Variants in SCARF2 observed in about 807,000 individuals in gnomAD.
The protein encoded by SCARF2 is scavenger receptor expressed by endothelial cells 2 protein.
In SCARF2, 39 loss-of-function variants were observed where a neutral mutation model predicts 73.4. The ratio of observed to expected loss-of-function variants is 0.53; its 90% CI spans 0.41 to 0.69. SCARF2 has a LOEUF of 0.69. Ranked by LOEUF, SCARF2 falls within the 30% of genes least tolerant of loss-of-function variation. The pLI, the probability that SCARF2 is intolerant of heterozygous loss-of-function variation, is 0.00. For missense variants in SCARF2, 1,148 were observed against 1,303.5 expected (o/e 0.88, Z 1.84); for synonymous variants, 605 against 590.0 (o/e 1.03, Z -0.37).
At chr22:20,428,475 C>T (rs973646194) in intron 9 of SCARF2, among the ~76,000 whole-genome samples, 5 of 152,028 alleles carry the variant, frequency 3.3e-5, no homozygotes, top group Non-Finnish European at 7.4e-5. Context: ...CGGCTACTTT[C>T]GTATTTTTAG....
chr22:20,430,633 T>C (rs2052633408), intron 5 of SCARF2, 57 bp downstream of exon 5: 1 of 1,604,676 alleles, frequency 6.2e-7, no homozygotes, highest in East Asian at 2.3e-5. Flanking sequence ...GGGGCCTTTG[T>C]TAGGGAGGCA....
rs371714000 is a variant in SCARF2 at position 20,435,400 on chromosome 22, C to T, written c.173+2182G>A. Among the ~76,000 whole-genome samples, 12 of 152,258 alleles carry T rather than the reference C, an allele frequency of 7.9e-5. No homozygotes were observed. In the South Asian group the frequency reaches 8.3e-4, roughly 11 times the overall value. ...CTTCCACCCCCTGCCCCCCAGGGTG[C>T]GAAGTGTTTGCCACCTGGCAGCCAA... On this transcript the variant is annotated intron_variant, in intron 1 of 10. Coordinates refer to ENST00000622235, the MANE Select transcript of SCARF2 (RefSeq NM_182895.5).
chr22:20,425,411 C>G lies in SCARF2; in HGVS notation c.2565G>C (p.Ala855=). The part of the protein sequence containing the change: ...KPPRKKSREA[A]GELGRAGAPT... ...GTGCGCCCGCCCTGCCCAGCTCGCC[C>G]GCCGCCTCCCGGCTCTTCTTGCGCG... The change falls in exon 11 of 11, where the codon GCG becomes GCC. Residue 855 remains alanine (A), a synonymous_variant. Coordinates refer to ENST00000622235, the MANE Select transcript of SCARF2 (RefSeq NM_182895.5). The surrounding 1 kb of genome is among the most constrained non-coding windows in gnomAD (Gnocchi z 4.6). 1 of 1,428,912 alleles carries G rather than the reference C, an allele frequency of 7.0e-7. No homozygotes were observed. The highest frequency in any genetic ancestry group is 9.2e-7 in the Non-Finnish European group (1 of 1,088,878). The allele number at this position is 1,428,912 out of a possible 1,614,324, so 88.5% of individuals were successfully genotyped here.
chr22:20,429,160 C>T lies in SCARF2; in HGVS notation c.1540+65G>A. 2 of 1,605,202 alleles carry T rather than the reference C, an allele frequency of 1.2e-6. No individual in the cohort carries two copies. The highest frequency in any genetic ancestry group is 1.7e-6 in the Non-Finnish European group (2 of 1,172,548). ...ACTGAGATCTGGACCCCCTCACACC[C>T]ATTTCCCAGCAGCTTCCTGCGTCGA... On this transcript the variant is annotated intron_variant, in intron 9 of 10. Transcript: ENST00000622235. This position sits in a 1 kb window ranked among gnomAD's most constrained non-coding sequence, Gnocchi z 5.2.
Position 20,429,973 on chromosome 22 carries a change from T to C in SCARF2, c.1203-140A>G. 1 of 808,224 alleles carries C rather than the reference T, an allele frequency of 1.2e-6. No individual in the cohort carries two copies. Among genetic ancestry groups the C allele is most frequent in the Non-Finnish European group, 2.0e-6 (1 of 508,134 alleles). The allele number at this position is 808,224 out of a possible 1,614,324, so 50.1% of individuals were successfully genotyped here. Reference sequence around the variant, plus strand: ...CTCGCTGCATTCGTCGTCTAGGGATTGAAGCCCCGCCCCGCCCGTGGCACA... The same window carrying C: ...CTCGCTGCATTCGTCGTCTAGGGATCGAAGCCCCGCCCCGCCCGTGGCACA... On this transcript the variant is annotated intron_variant, in intron 6 of 10. Coordinates refer to ENST00000622235, the MANE Select transcript of SCARF2 (RefSeq NM_182895.5). The surrounding 1 kb of genome is among the most constrained non-coding windows in gnomAD (Gnocchi z 5.2).
intron 1 of SCARF2, among the ~76,000 whole-genome samples, chr22:20,433,921 G>A (rs1215088576): frequency 6.6e-6 from 1 of 152,212 alleles, no homozygotes; most frequent in Non-Finnish European, 1.5e-5. Context: ...TTTGCCAGGT[G>A]GCCTGCTGGA....
Position 20,429,597 on chromosome 22 carries a change from A to AGACGAGCAG in SCARF2, c.1354_1362dup (p.Leu452_Val454dup), listed in dbSNP as rs1569107993. On this transcript the variant is annotated inframe_insertion, in exon 8 of 11. Transcript: ENST00000622235. The surrounding 1 kb of genome is among the most constrained non-coding windows in gnomAD (Gnocchi z 5.2). Reference sequence around the variant, plus strand: ...CAGCCGAGCAGCGAGAGCAGCAGGCAGACGAGCAGGACGAGCAGCGCGCCC... The same window carrying AGACGAGCAG: ...CAGCCGAGCAGCGAGAGCAGCAGGCAGACGAGCAGGACGAGCAGGACGAGCAGCGCGCCC... The AGACGAGCAG allele has an allele frequency of 6.2e-7, 1 of 1,613,576 alleles. No individual in the cohort carries two copies. Among genetic ancestry groups the AGACGAGCAG allele is most frequent in the Non-Finnish European group, 8.5e-7 (1 of 1,179,902 alleles).
In SCARF2 at chr22:20,431,738, C is replaced by T. The variant is rs1303643934; in HGVS notation, c.334+7G>A. 2 of 1,565,044 alleles carry T rather than the reference C, an allele frequency of 1.3e-6. No individual in the cohort carries two copies. Among genetic ancestry groups the T allele is most frequent in the South Asian group, 1.2e-5 (1 of 85,320 alleles). ...ACCGACCAATACCGGCCCGACCCCA[C>T]GCTCACTGGTGTCGCAGTTGGCACC... is the stretch of plus-strand genomic sequence containing the variant. On this transcript the variant is annotated splice_region_variant and intron_variant, in intron 3 of 10. Coordinates refer to ENST00000622235, the MANE Select transcript of SCARF2 (RefSeq NM_182895.5).
In SCARF2 at chr22:20,425,452, G is replaced by A; in HGVS notation, c.2524C>T (p.Pro842Ser). 2 of 1,421,250 alleles carry A rather than the reference G, an allele frequency of 1.4e-6. No individual in the cohort carries two copies. Among genetic ancestry groups the A allele is most frequent in the Non-Finnish European group, 9.2e-7 (1 of 1,086,046 alleles). The allele number at this position is 1,421,250 out of a possible 1,614,324, so 88.0% of individuals were successfully genotyped here. A position where few individuals can be genotyped will look rare whatever the true frequency, so the allele number is the denominator to read the frequency against. Reference sequence around the variant, plus strand: ...TTCTTGCGCGGCGGCTTCTGGATGGGGGTCTTCTTCCGGGGGGTCTCAGGC... The same window carrying A: ...TTCTTGCGCGGCGGCTTCTGGATGGAGGTCTTCTTCCGGGGGGTCTCAGGC... ...PAPETPRKKT[P>S]IQKPPRKKSR... Residue 842 changes from proline to serine, a missense_variant, in exon 11 of 11, where the codon CCC becomes TCC. By Grantham distance (74) the Pro-to-Ser change is moderately conservative. This residue lies in a region of SCARF2 where 169 missense variants were observed against 136.9 expected (regional missense o/e 1.23). Coordinates refer to ENST00000622235, the MANE Select transcript of SCARF2 (RefSeq NM_182895.5). This position sits in a 1 kb window ranked among gnomAD's most constrained non-coding sequence, Gnocchi z 4.6.
At chr22:20,433,349 C>T (rs764889648) in intron 1 of SCARF2, among the ~76,000 whole-genome samples, 22 of 152,168 alleles carry the variant, frequency 1.4e-4, no homozygotes, top group African/African-American at 2.4e-4. Context: ...AAAAGGAGCA[C>T]GCTTCTTCAC....
chr22:20,432,753 G>T (rs950206869), intron 1 of SCARF2, among the ~76,000 whole-genome samples: 2 of 152,230 alleles, frequency 1.3e-5, no homozygotes, highest in African/African-American at 4.8e-5. Context: ...GTCTCGCTCT[G>T]TTGCCCAGGC....
intron 1 of SCARF2, among the ~76,000 whole-genome samples, chr22:20,433,665 T>C (rs181320917): frequency 8.0e-4 from 122 of 152,308 alleles, no homozygotes; most frequent in Non-Finnish European, 1.3e-3. Context: ...ATCTCAAACT[T>C]TGGGGAATTG....
chr22:20,425,311 A>AGG lies in SCARF2; in HGVS notation c.*62_*63dup. The AGG allele has an allele frequency of 7.9e-7, 1 of 1,263,968 alleles. No individual in the cohort carries two copies. Among genetic ancestry groups the AGG allele is most frequent in the Middle Eastern group, 3.0e-4 (1 of 3,374 alleles). 78.3% of individuals were successfully genotyped at this position (1,263,968 alleles called of 1,614,324 possible). ...GGCCGCCCGTGCCCGGTAGCGTGGG[A>AGG]GGTGTGGGGTGGCGGGCGGCGCTGC... On this transcript the variant is annotated 3_prime_UTR_variant, in exon 11 of 11. Coordinates refer to ENST00000622235, the MANE Select transcript of SCARF2 (RefSeq NM_182895.5). This position sits in a 1 kb window ranked among gnomAD's most constrained non-coding sequence, Gnocchi z 4.6.
Position 20,429,969 on chromosome 22 carries a change from G to A in SCARF2, c.1203-136C>T. On this transcript the variant is annotated intron_variant, in intron 6 of 10. Coordinates refer to ENST00000622235, the MANE Select transcript of SCARF2 (RefSeq NM_182895.5). The surrounding 1 kb of genome is among the most constrained non-coding windows in gnomAD (Gnocchi z 5.2). ...CTCTCTCGCTGCATTCGTCGTCTAG[G>A]GATTGAAGCCCCGCCCCGCCCGTGG... The A allele has an allele frequency of 1.2e-6, 1 of 842,408 alleles. No individual in the cohort carries two copies. Among genetic ancestry groups the A allele is most frequent in the Non-Finnish European group, 1.9e-6 (1 of 538,848 alleles). 52.2% of individuals were successfully genotyped at this position (842,408 alleles called of 1,614,324 possible). A position where few individuals can be genotyped will look rare whatever the true frequency, so the allele number is the denominator to read the frequency against.
Position 20,437,783 on chromosome 22 carries a change from C to A in SCARF2, c.-29G>T. 5.4e-6 allele frequency: 5 copies of A among 931,204 alleles called. No homozygotes were observed. The highest frequency in any genetic ancestry group is 6.4e-6 in the Non-Finnish European group (5 of 780,984). 57.7% of individuals were successfully genotyped at this position (931,204 alleles called of 1,614,324 possible). A position where few individuals can be genotyped will look rare whatever the true frequency, so the allele number is the denominator to read the frequency against. ...GCGCGGGGCAGGCGCGGGGCGGGCA[C>A]GGGCGCGGGTGCGGCCGCAGCGAGA... On this transcript the variant is annotated 5_prime_UTR_variant, in exon 1 of 11. Transcript: ENST00000622235.
chr22:20,427,687 C>T (rs2146123468), intron 9 of SCARF2, 137 bp from the exon 10 acceptor site: 1 of 936,978 alleles, frequency 1.1e-6, no homozygotes, highest in East Asian at 2.6e-5. Flanking sequence ...ACAGGCAACT[C>T]AACAGGTACA....
At chr22:20,427,172 G>A (rs980567678) in intron 10 of SCARF2, among the ~76,000 whole-genome samples, 15 of 151,886 alleles carry the variant, frequency 9.9e-5, no homozygotes, top group African/African-American at 3.6e-4. Context: ...TCCCCCAGGA[G>A]CAACCCTGGG....
At position 20,430,524 on chromosome 22, in the gene SCARF2, G is replaced by A; in HGVS notation, c.1107C>T (p.Gly369=). ...CETKCSNGTY[G]EDCAFVCADC... is the part of the protein sequence containing the mutation. ...CGGCGCACACGAAGGCGCAGTCCTCGCCGTAAGTGCCATTGCTACACTTGG... is the reference window on the plus strand; with the variant it reads ...CGGCGCACACGAAGGCGCAGTCCTCACCGTAAGTGCCATTGCTACACTTGG... The change falls in exon 6 of 11, where the codon GGC becomes GGT. Residue 369 remains glycine (G), a synonymous_variant. Transcript: ENST00000622235. 1.2e-6 allele frequency: 2 copies of A among 1,608,432 alleles called. No individual in the cohort carries two copies. Among genetic ancestry groups the A allele is most frequent in the Non-Finnish European group, 1.7e-6 (2 of 1,177,888 alleles).
intron 1 of SCARF2, among the ~76,000 whole-genome samples, chr22:20,436,316 C>T (rs1241150890): frequency 6.6e-6 from 1 of 152,206 alleles, no homozygotes; most frequent in Non-Finnish European, 1.5e-5. Flanking sequence ...CCGGGCCTGT[C>T]TGGGAAAGAG....
Sources: allele counts gnomAD v4.1 joint callset (sites outside exome capture counted in the v4.1 genomes callset), GRCh38; gene constraint gnomAD v4.1.1; regional missense constraint gnomAD v4.1.1; non-coding constraint Gnocchi (gnomAD v3.1); transcripts MANE v1.5; gene names NCBI Gene and HGNC (gene_info 2026-07-23, HGNC 2026-07-21).